TNKS: variants seen among roughly 807,000 people sequenced by gnomAD.
The protein encoded by TNKS is tankyrase.
A neutral mutation model predicts 135.8 loss-of-function variants in TNKS; 72 were observed. That is an observed-to-expected ratio of 0.53 (90% CI 0.44 to 0.64). TNKS has a LOEUF of 0.64. Among genes scored for constraint, TNKS ranks in the 30% least tolerant of loss-of-function variants. The pLI, the probability that TNKS is intolerant of heterozygous loss-of-function variation, is 0.00. For missense variants in TNKS, 1,769 were observed against 1,674.0 expected, an observed-to-expected ratio of 1.06 and a Z score of -0.99; for synonymous variants, 849 against 649.3, an observed-to-expected ratio of 1.31 and a Z score of -4.68.
intron 13 of TNKS, 81 bp downstream of exon 13, chr8:9,726,801 A>G (rs1163071108): frequency 1.8e-6 from 2 of 1,096,318 alleles, no homozygotes; most frequent in South Asian, 1.4e-5. Flanking sequence ...AAGTATATCT[A>G]CTCAAATACA....
intron 11 of TNKS, chr8:9,710,497 C>T: frequency 1.8e-6 from 1 of 565,992 alleles, no homozygotes; most frequent in African/African-American, 1.9e-5. Context: ...ACATTACTTT[C>T]AGTTAATACT....
intron 5 of TNKS, among the ~76,000 whole-genome samples, chr8:9,690,737 G>C (rs1803228209): frequency 1.3e-5 from 2 of 152,124 alleles, no homozygotes. Context: ...ACTATTTGTG[G>C]CAACTTGAAT....
chr8:9,707,602 A>T (rs900661198), intron 8 of TNKS, among the ~76,000 whole-genome samples: 11 of 152,222 alleles, frequency 7.2e-5, no homozygotes, highest in African/African-American at 2.7e-4. Flanking sequence ...TTCTGAATAT[A>T]TTACCAATAT....
chr8:9,658,102 T>A (rs1204885228), intron 3 of TNKS, among the ~76,000 whole-genome samples: 2 of 87,078 alleles, frequency 2.3e-5, no homozygotes, highest in Admixed American at 2.2e-4. Context: ...GAAGAGGCGC[T>A]CCTCACTTCC....
intron 3 of TNKS, among the ~76,000 whole-genome samples, chr8:9,677,238 A>T (rs1465979995): frequency 6.6e-6 from 1 of 152,246 alleles, no homozygotes; most frequent in Non-Finnish European, 1.5e-5. Flanking sequence ...GGAAGAGTAG[A>T]AAGTCATTTG....
intron 11 of TNKS, among the ~76,000 whole-genome samples, chr8:9,718,237 A>G (rs1804705547): frequency 6.6e-6 from 1 of 151,660 alleles, no homozygotes; most frequent in African/African-American, 2.4e-5. Context: ...CTCTAGCTAA[A>G]GAGTACAGAC....
chr8:9,572,234 T>A (rs1478213052), intron 1 of TNKS, among the ~76,000 whole-genome samples: 1 of 152,238 alleles, frequency 6.6e-6, no homozygotes, highest in Non-Finnish European at 1.5e-5. Context: ...GTTAGCTATA[T>A]ATGAAATTAA....
At chr8:9,678,978 G>C (rs867299448) in intron 3 of TNKS, among the ~76,000 whole-genome samples, 2 of 152,068 alleles carry the variant, frequency 1.3e-5, no homozygotes, top group Admixed American at 1.3e-4. Context: ...ATTTACTGAA[G>C]GAACAAACAC....
intron 3 of TNKS, among the ~76,000 whole-genome samples, chr8:9,665,666 A>G (rs1801950079): frequency 6.6e-6 from 1 of 152,212 alleles, no homozygotes; most frequent in Non-Finnish European, 1.5e-5. Context: ...TAGCCTCATA[A>G]TAACCTTGTG....
At chr8:9,742,269 T>G (rs1011734636) in intron 17 of TNKS, among the ~76,000 whole-genome samples, 2 of 152,200 alleles carry the variant, frequency 1.3e-5, no homozygotes, top group African/African-American at 4.8e-5. Context: ...ACTGTTACTT[T>G]TTTTTGGCAA....
At chr8:9,660,451 G>A (rs7821617) in intron 3 of TNKS, among the ~76,000 whole-genome samples, 4,342 of 152,218 alleles carry the variant, frequency 0.029, 210 homozygotes, top group African/African-American at 0.099. Flanking sequence ...ATCAATAAAC[G>A]TAATCCAGCA....
chr8:9,743,501 G>A (rs191690451), intron 17 of TNKS: 7 of 152,258 alleles, frequency 4.6e-5, no homozygotes, highest in South Asian at 2.1e-4. Flanking sequence ...TTTCCAGCTT[G>A]TTGTAATGAT....
intron 2 of TNKS, among the ~76,000 whole-genome samples, chr8:9,612,104 G>A (rs78897956): frequency 0.083 from 12,600 of 152,094 alleles, 555 homozygotes; most frequent in South Asian, 0.18. Context: ...ATCAAGTTTA[G>A]CCCCTTTATT....
At chr8:9,640,203 T>A (rs1800672805) in intron 3 of TNKS, among the ~76,000 whole-genome samples, 1 of 152,188 alleles carries the variant, frequency 6.6e-6, no homozygotes, top group African/African-American at 2.4e-5. Flanking sequence ...TTTTTATTTC[T>A]CACAATTTCT....
intron 12 of TNKS, among the ~76,000 whole-genome samples, chr8:9,724,513 C>G (rs1248869868): frequency 6.6e-6 from 1 of 152,180 alleles, no homozygotes; most frequent in Non-Finnish European, 1.5e-5. Context: ...ACTTTGCATA[C>G]AAGCTACTCT....
intron 3 of TNKS, among the ~76,000 whole-genome samples, chr8:9,642,709 T>C (rs1800770127): frequency 6.8e-6 from 1 of 146,276 alleles, no homozygotes; most frequent in Non-Finnish European, 1.5e-5. Flanking sequence ...TTGCTGTAGA[T>C]ACTTTAATTC....
chr8:9,567,748 G>A lies in TNKS; in HGVS notation c.673+11136G>A, dbSNP rs1353939218. ...GACTTTCTTTAAAAGACTATATAGA[G>A]TTGTTAGAAAATCTCGTAGATAAAT... On this transcript the variant is annotated intron_variant, in intron 1 of 26. Transcript: ENST00000310430. Among the ~76,000 whole-genome samples, 6 of 152,170 alleles carry A rather than the reference G, an allele frequency of 3.9e-5. No individual in the cohort carries two copies. The South Asian group carries it at 1.0e-3, about 26-fold the overall frequency.
intron 5 of TNKS, among the ~76,000 whole-genome samples, chr8:9,682,976 T>G (rs1434329178): frequency 6.6e-6 from 1 of 151,996 alleles, no homozygotes. Context: ...ACTCATACTT[T>G]TTTAGATTAT....
intron 3 of TNKS, among the ~76,000 whole-genome samples, chr8:9,628,335 A>G (rs750811608): frequency 6.6e-6 from 1 of 152,186 alleles, no homozygotes; most frequent in Non-Finnish European, 1.5e-5. Context: ...CGACTGTACT[A>G]AAATGCCTTT....
Sources: gnomAD v4.1 joint callset for allele counts (sites outside exome capture counted in the v4.1 genomes callset) on GRCh38, gnomAD v4.1.1 for gene constraint, MANE v1.5 for transcripts, NCBI Gene and HGNC (gene_info 2026-07-23, HGNC 2026-07-21) for gene names.